ARHGAP8: variants seen among roughly 807,000 people sequenced by gnomAD.
The protein encoded by ARHGAP8 is rho GTPase-activating protein 8.
ARHGAP8 carries 62 observed loss-of-function variants against 46.1 expected under a neutral mutation model. The observed-to-expected ratio is 1.34, with a 90% CI of 1.10 to 1.66. The LOEUF is 1.66. ARHGAP8 is among the 40% of genes most tolerant of loss of function. ARHGAP8 has a pLI of 0.00. For synonymous variants in ARHGAP8, 375 were observed against 243.1 expected (o/e 1.54, Z -5.05); for missense variants, 923 against 568.4 (o/e 1.62, Z -6.34).
At chr22:44,813,871 A>G (rs1460294742) in intron 4 of ARHGAP8, among the ~76,000 whole-genome samples, 1 of 152,160 alleles carries the variant, frequency 6.6e-6, no homozygotes, top group East Asian at 1.9e-4. Context: ...ACACACATAC[A>G]CAATTGGCTT....
chr22:44,835,647 A>C (rs115044332), intron 7 of ARHGAP8, among the ~76,000 whole-genome samples: 4,702 of 152,170 alleles, frequency 0.031, 200 homozygotes, highest in African/African-American at 0.1. Flanking sequence ...GGGACTTGCA[A>C]ACTCTTCAGA....
At chr22:44,838,451 G>A (rs558742796) in intron 7 of ARHGAP8, among the ~76,000 whole-genome samples, 1 of 151,888 alleles carries the variant, frequency 6.6e-6, no homozygotes, top group African/African-American at 2.4e-5. Flanking sequence ...TTTTGCATTT[G>A]GTAGTAGAAA....
intron 1 of ARHGAP8, among the ~76,000 whole-genome samples, chr22:44,779,707 G>A (rs1926701715): frequency 6.6e-6 from 1 of 151,662 alleles, no homozygotes; most frequent in Non-Finnish European, 1.5e-5. Flanking sequence ...GATTACAGGT[G>A]TGAGCCATGG....
intron 1 of ARHGAP8, among the ~76,000 whole-genome samples, chr22:44,753,387 T>C (rs927330255): frequency 1.3e-5 from 2 of 151,990 alleles, no homozygotes; most frequent in African/African-American, 4.8e-5. Flanking sequence ...TGCCAGCTAA[T>C]TTTTTGTATT....
intron 2 of ARHGAP8, among the ~76,000 whole-genome samples, chr22:44,796,119 G>T (rs1207100470): frequency 6.6e-6 from 1 of 152,192 alleles, no homozygotes; most frequent in Non-Finnish European, 1.5e-5. Flanking sequence ...GTAGCCCAGG[G>T]AAGCACATCT....
chr22:44,791,406 A>G (rs1476447194), intron 2 of ARHGAP8, among the ~76,000 whole-genome samples: 1 of 152,090 alleles, frequency 6.6e-6, no homozygotes, highest in African/African-American at 2.4e-5. Flanking sequence ...GTTTTCACTT[A>G]TTTAAAACCC....
chr22:44,806,156 A>G (rs1314963240), intron 3 of ARHGAP8, among the ~76,000 whole-genome samples: 1 of 152,210 alleles, frequency 6.6e-6, no homozygotes, highest in Non-Finnish European at 1.5e-5. Context: ...AGGAGTGAAG[A>G]GTTCTCAGTG....
At position 44,822,461 on chromosome 22, in the gene ARHGAP8, A is replaced by C. The variant is rs780986741; in HGVS notation, c.477A>C (p.Glu159Asp). Residue 159 changes from glutamate to aspartate, a missense_variant, in exon 6 of 12, where the codon GAA becomes GAC. Physicochemically the swap from Glu to Asp is conservative, Grantham distance 45. Transcript: ENST00000356099. ...ACGACCAGCTGGTCATCCCTCCCGAAGTTTTGCGGTAAGTGCCTGTTAGAC... is the reference window on the plus strand; with the variant it reads ...ACGACCAGCTGGTCATCCCTCCCGACGTTTTGCGGTAAGTGCCTGTTAGAC... Reference protein sequence around the residue: ...LKYDQLVIPPEVLRYDEKLQS... With the variant: ...LKYDQLVIPPDVLRYDEKLQS... 1.3e-6 allele frequency: 2 copies of C among 1,554,162 alleles called. No homozygotes were observed. The highest frequency in any genetic ancestry group is 1.7e-6 in the Non-Finnish European group (2 of 1,159,222).
Position 44,859,714 on chromosome 22 carries a change from G to C in ARHGAP8, c.878-17G>C. 2 of 1,612,240 alleles carry C rather than the reference G, an allele frequency of 1.2e-6. No homozygotes were observed. The highest frequency in any genetic ancestry group is 1.7e-6 in the Non-Finnish European group (2 of 1,179,842). On this transcript the variant is annotated splice_polypyrimidine_tract_variant and intron_variant, in intron 10 of 11. Transcript: ENST00000356099. Reference sequence around the variant, plus strand: ...TGGCCCCTCTGGAGCTCAGCAGGGAGCCCCATGCCCTTCCAGGTGTGGAGA... The same window carrying C: ...TGGCCCCTCTGGAGCTCAGCAGGGACCCCCATGCCCTTCCAGGTGTGGAGA...
At chr22:44,760,879 G>A (rs371619731) in intron 1 of ARHGAP8, among the ~76,000 whole-genome samples, 99 of 152,234 alleles carry the variant, frequency 6.5e-4, no homozygotes, top group African/African-American at 2.3e-3. Context: ...CCTTGTCCCC[G>A]ACCCTGGGGG....
chr22:44,852,239 A>G (rs2070115237), intron 10 of ARHGAP8, among the ~76,000 whole-genome samples: 1 of 150,354 alleles, frequency 6.7e-6, no homozygotes, highest in Admixed American at 6.6e-5. Flanking sequence ...AGGAAGGTGA[A>G]GGAAGGTGAA....
intron 7 of ARHGAP8, among the ~76,000 whole-genome samples, chr22:44,838,935 G>T (rs1931468869): frequency 6.6e-6 from 1 of 152,172 alleles, no homozygotes; most frequent in African/African-American, 2.4e-5. Flanking sequence ...GCAGACCTTG[G>T]GGAGAGAGCG....
At chr22:44,753,072 A>G (rs1343004169) in intron 1 of ARHGAP8, among the ~76,000 whole-genome samples, 1 of 150,750 alleles carries the variant, frequency 6.6e-6, no homozygotes, top group Non-Finnish European at 1.5e-5. Context: ...GCCCCCACAC[A>G]CCCCAAACCT....
chr22:44,761,065 C>T (rs1474056223), intron 1 of ARHGAP8, among the ~76,000 whole-genome samples: 2 of 152,194 alleles, frequency 1.3e-5, no homozygotes, highest in South Asian at 2.1e-4. Flanking sequence ...TTGATGATTA[C>T]GAAGGACCTG....
intron 5 of ARHGAP8, 28 bp downstream of exon 5, chr22:44,814,786 G>A (rs2071758): frequency 0.26 from 420,004 of 1,610,856 alleles, 57,448 homozygotes; most frequent in South Asian, 0.4. Flanking sequence ...AGAGGACCTC[G>A]CTGGGGTTGG....
At chr22:44,830,664 GTA>G (rs1792579217) in intron 7 of ARHGAP8, among the ~76,000 whole-genome samples, 1 of 152,062 alleles carries the variant, frequency 6.6e-6, no homozygotes, top group Non-Finnish European at 1.5e-5. Context: ...ACCCTCCCGA[GTA>G]TGTGTGACTA....
chr22:44,856,569 C>T lies in ARHGAP8; in HGVS notation c.878-3162C>T, dbSNP rs1447058672. On this transcript the variant is annotated intron_variant, in intron 10 of 11. Transcript: ENST00000356099. ...GATTAAAGGCGTGAGCCACCGCGCC[C>T]GGCCTGTAAATTCTTGGGGCTACAT... Among the ~76,000 whole-genome samples the T allele has an allele frequency of 9.6e-5, 14 of 146,370 alleles. 1 individual carries two copies. Among genetic ancestry groups the T allele is most frequent in the Admixed American group, 2.7e-4 (4 of 15,002 alleles).
At chr22:44,786,290 G>C (rs1268999604) in intron 1 of ARHGAP8, among the ~76,000 whole-genome samples, 167 bp from the exon 2 acceptor site, 1 of 151,998 alleles carries the variant, frequency 6.6e-6, no homozygotes, top group African/African-American at 2.4e-5. Flanking sequence ...GGCGCCTAGT[G>C]GGTGCTCGGC....
At chr22:44,785,479 T>A (rs1375812563) in intron 1 of ARHGAP8, among the ~76,000 whole-genome samples, 2 of 152,126 alleles carry the variant, frequency 1.3e-5, no homozygotes, top group African/African-American at 4.8e-5. Flanking sequence ...AGTCTGTGAC[T>A]CCGTCCTCAC....
Sources: gnomAD v4.1 joint callset for allele counts (sites outside exome capture counted in the v4.1 genomes callset) on GRCh38, gnomAD v4.1.1 for gene constraint, MANE v1.5 for transcripts, NCBI Gene and HGNC (gene_info 2026-07-23, HGNC 2026-07-21) for gene names.